The following CATSPERB variants were observed in gnomAD, a reference collection of about 807,000 sequenced individuals.
The protein encoded by CATSPERB is catsper channel auxiliary subunit beta.
Under a neutral mutation model 128.3 loss-of-function variants are expected in CATSPERB, and 93 were observed. That is an observed-to-expected ratio of 0.72 (90% CI 0.61 to 0.86). The LOEUF (loss-of-function observed/expected upper bound fraction) is 0.86, where lower values mean the gene tolerates loss of function less well. Ranked by LOEUF, CATSPERB falls within the 40% of genes least tolerant of loss-of-function variation. The probability of loss-of-function intolerance (pLI) is 0.00; values close to 1 mark genes in which losing one functional copy is unlikely to be tolerated. For synonymous variants in CATSPERB, 381 were observed against 448.8 expected, an observed-to-expected ratio of 0.85 and a Z score of 1.91; for missense variants, 1,153 against 1,329.5, an observed-to-expected ratio of 0.87 and a Z score of 2.06.
At chr14:91,666,980 G>A (rs1417569995) in intron 14 of CATSPERB, among the ~76,000 whole-genome samples, 2 of 152,240 alleles carry the variant, frequency 1.3e-5, no homozygotes, top group African/African-American at 2.4e-5. Flanking sequence ...TGTGGAGAAT[G>A]GGATACGAAG....
At chr14:91,617,204 T>A (rs573524432) in intron 20 of CATSPERB, among the ~76,000 whole-genome samples, 3 of 152,214 alleles carry the variant, frequency 2.0e-5, no homozygotes, top group African/African-American at 7.2e-5. Context: ...TAATGTGATA[T>A]TTGCAAAAAT....
At chr14:91,661,465 G>A (rs978933233) in intron 14 of CATSPERB, among the ~76,000 whole-genome samples, 3 of 148,956 alleles carry the variant, frequency 2.0e-5, no homozygotes, top group Non-Finnish European at 4.4e-5. Context: ...TTGTACTAAC[G>A]TTACAGTGTT....
chr14:91,697,847 G>A (rs1895588918), intron 7 of CATSPERB, among the ~76,000 whole-genome samples: 1 of 152,122 alleles, frequency 6.6e-6, no homozygotes. Context: ...GCTTAGGATT[G>A]CTTTGGTTAT....
intron 20 of CATSPERB, among the ~76,000 whole-genome samples, chr14:91,615,577 C>T (rs1426840433): frequency 6.6e-6 from 1 of 152,214 alleles, no homozygotes; most frequent in Non-Finnish European, 1.5e-5. Context: ...GCTTATTTCA[C>T]TTAGCATAAT....
intron 14 of CATSPERB, among the ~76,000 whole-genome samples, chr14:91,666,517 A>T (rs891244012): frequency 1.3e-5 from 2 of 152,320 alleles, no homozygotes; most frequent in East Asian, 3.9e-4. Flanking sequence ...GAGAGCAGGG[A>T]TAGCTCTTGG....
At chr14:91,607,836 C>T (rs1197786357) in intron 22 of CATSPERB, among the ~76,000 whole-genome samples, 1 of 152,128 alleles carries the variant, frequency 6.6e-6, no homozygotes, top group East Asian at 1.9e-4. Flanking sequence ...CCTAATGGCT[C>T]CTCCCTTGTC....
intron 17 of CATSPERB, among the ~76,000 whole-genome samples, chr14:91,631,371 T>A (rs1249696342): frequency 6.6e-6 from 1 of 152,196 alleles, no homozygotes; most frequent in Non-Finnish European, 1.5e-5. Flanking sequence ...TAAGATTTTG[T>A]GAAGATTCAG....
intron 22 of CATSPERB, among the ~76,000 whole-genome samples, chr14:91,602,823 G>A (rs956776268): frequency 2.0e-5 from 3 of 152,134 alleles, no homozygotes; most frequent in African/African-American, 7.2e-5. Context: ...CATCTTCAAA[G>A]TATGAATTAA....
intron 11 of CATSPERB, among the ~76,000 whole-genome samples, chr14:91,675,186 T>C (rs1285648): frequency 0.97 from 147,773 of 152,330 alleles, 71,703 homozygotes; most frequent in East Asian, 1. Flanking sequence ...CAGCAGTGTG[T>C]CAGGGCTTTC....
intron 11 of CATSPERB, among the ~76,000 whole-genome samples, chr14:91,675,515 G>T (rs990054716): frequency 6.6e-6 from 1 of 152,136 alleles, no homozygotes; most frequent in Non-Finnish European, 1.5e-5. Context: ...ACATTGTCTG[G>T]GCAGGTACAT....
Position 91,610,539 on chromosome 14 carries a change from C to A in CATSPERB, c.2539G>T (p.Asp847Tyr). The A allele has an allele frequency of 6.2e-7, 1 of 1,613,978 alleles. No individual in the cohort carries two copies. Residue 847 changes from aspartate to tyrosine, a missense_variant, in exon 21 of 27, where the codon GAC becomes TAC. Asp to Tyr is a radical substitution (Grantham distance 160). Coordinates refer to ENST00000256343, the MANE Select transcript of CATSPERB (RefSeq NM_024764.4). ...TCTTTATGAACTCCACTAATCCAGT[C>A]TTCAAATGGGATAAATTTGCTAGGA... is the stretch of plus-strand genomic sequence containing the variant. ...HIPSKFIPFEDWISGVHKDSQ... is the reference protein window; with the variant it reads ...HIPSKFIPFEYWISGVHKDSQ...
intron 1 of CATSPERB, among the ~76,000 whole-genome samples, chr14:91,730,043 C>T (rs1018528386): frequency 2.0e-5 from 3 of 152,156 alleles, no homozygotes; most frequent in African/African-American, 7.2e-5. Context: ...TGTACCTCTC[C>T]TGTAATGCAC....
At chr14:91,608,502 C>T in intron 21 of CATSPERB, 98 bp from the exon 22 acceptor site, 1 of 730,350 alleles carries the variant, frequency 1.4e-6, no homozygotes, top group Non-Finnish European at 2.3e-6. Context: ...GGCAAAAATT[C>T]AATTTTTAGC....
intron 5 of CATSPERB, 87 bp downstream of exon 5, chr14:91,719,331 C>A (rs1245560492): frequency 7.6e-6 from 7 of 926,778 alleles, no homozygotes; most frequent in South Asian, 2.1e-5. Context: ...CATAACAAAT[C>A]ACTTTTAAGA....
At chr14:91,629,758 T>A (rs1894239608) in intron 17 of CATSPERB, among the ~76,000 whole-genome samples, 1 of 152,210 alleles carries the variant, frequency 6.6e-6, no homozygotes, top group Non-Finnish European at 1.5e-5. Flanking sequence ...GGCAGCTACC[T>A]TAATTATGAA....
chr14:91,636,352 G>C (rs146073024), intron 17 of CATSPERB, 73 bp downstream of exon 17: 4 of 1,395,096 alleles, frequency 2.9e-6, no homozygotes, highest in Non-Finnish European at 4.0e-6. Flanking sequence ...GACAGAGCAA[G>C]ACCCTATCTC....
intron 5 of CATSPERB, chr14:91,710,627 A>T (rs949585306): frequency 6.6e-6 from 1 of 152,230 alleles, no homozygotes; most frequent in Non-Finnish European, 1.5e-5. Flanking sequence ...GGAAAAGGTC[A>T]GTACTGATAG....
At chr14:91,616,640 T>C (rs1309145780) in intron 20 of CATSPERB, among the ~76,000 whole-genome samples, 1 of 151,476 alleles carries the variant, frequency 6.6e-6, no homozygotes, top group African/African-American at 2.4e-5. Flanking sequence ...ACAATTTCAA[T>C]AAGTCTATCA....
rs1436529830 is a variant in CATSPERB, at chr14:91,580,778, T to C, written c.*111A>G. On this transcript the variant is annotated 3_prime_UTR_variant, in exon 27 of 27. Coordinates refer to ENST00000256343, the MANE Select transcript of CATSPERB (RefSeq NM_024764.4). ...TGACAAGTAGCAATTTGAATTATAATGACAATTCTTTAGGATTTTATGTAG... is the reference window on the plus strand; with the variant it reads ...TGACAAGTAGCAATTTGAATTATAACGACAATTCTTTAGGATTTTATGTAG... 4 of 801,072 alleles carry C rather than the reference T, an allele frequency of 5.0e-6. No individual in the cohort carries two copies. Among genetic ancestry groups the C allele is most frequent in the African/African-American group, 3.5e-5 (2 of 57,296 alleles). The allele number at this position is 801,072 out of a possible 1,614,324, so 49.6% of individuals were successfully genotyped here.
Sources: gnomAD v4.1 joint callset for allele counts (sites outside exome capture counted in the v4.1 genomes callset) on GRCh38, gnomAD v4.1.1 for gene constraint, MANE v1.5 for transcripts, NCBI Gene and HGNC (gene_info 2026-07-23, HGNC 2026-07-21) for gene names.